Variants in UBC observed in about 807,000 individuals in gnomAD.
UBC encodes the protein polyubiquitin-C.
UBC carries 8 observed loss-of-function variants against 34.7 expected under a neutral mutation model. The observed-to-expected ratio is 0.23, with a 90% confidence interval of 0.14 to 0.42. UBC has a LOEUF of 0.42. UBC is among the 10% of genes least tolerant of loss of function. The pLI, the probability that UBC is intolerant of heterozygous loss-of-function variation, is 1.00. For missense variants in UBC, 323 were observed against 750.3 expected, an observed-to-expected ratio of 0.43 and a Z score of 6.65; for synonymous variants, 367 against 299.8, an observed-to-expected ratio of 1.22 and a Z score of -2.32.
chr12:124,914,303 T>C (rs879619565), intron 1 of UBC: 34 of 170,240 alleles, frequency 2.0e-4, no homozygotes, highest in Non-Finnish European at 4.2e-4. Context: ...CTCACCCGAA[T>C]AAGAGCTTTC....
rs199810316 is a variant in UBC at position 124,912,757 on chromosome 12, C to T, written c.1015G>A (p.Gly339Ser). ...NVKAKIQDKEGIPPDQQRLIF... is the reference protein window; with the variant it reads ...NVKAKIQDKESIPPDQQRLIF... ...AACCTCTGCTGGTCAGGAGGGATGC[C>T]TTCCTTGTCTTGGATCTTTGCCTTG... Residue 339 changes from glycine (G) to serine (S), a missense_variant, in exon 2 of 2, where the codon GGC (glycine) becomes AGC (serine). Physicochemically the swap from Gly to Ser is moderately conservative, Grantham distance 56. Transcript: ENST00000339647. 1 of 1,605,702 alleles carries T rather than the reference C, an allele frequency of 6.2e-7. No individual in the cohort carries two copies. Among genetic ancestry groups the T allele is most frequent in the Non-Finnish European group, 8.5e-7 (1 of 1,177,748 alleles).
Position 124,913,932 on chromosome 12 carries a change from C to T in UBC, c.-3-158G>A, listed in dbSNP as rs1054085350. 15 of 1,128,282 alleles carry T rather than the reference C, an allele frequency of 1.3e-5. No homozygotes were observed. The African/African-American group carries it at 2.2e-4, about 17-fold the overall frequency. 69.9% of individuals were successfully genotyped at this position (1,128,282 alleles called of 1,614,324 possible). On this transcript the variant is annotated intron_variant, in intron 1 of 1. Coordinates refer to ENST00000339647, the MANE Select transcript of UBC (RefSeq NM_021009.7). ...CCGAGCGCATAGTTCAAAACCGGAGCTTCAGCTACTTAAGAAGATAGGTAC... is the reference window on the plus strand; with the variant it reads ...CCGAGCGCATAGTTCAAAACCGGAGTTTCAGCTACTTAAGAAGATAGGTAC...
chr12:124,914,178 G>C (rs1953575549), intron 1 of UBC: 1 of 238,274 alleles, frequency 4.2e-6, no homozygotes, highest in South Asian at 5.2e-5. Context: ...CAAAGGTACG[G>C]GTGCACTGCC....
Position 124,912,956 on chromosome 12 carries a change from G to T in UBC, c.816C>A (p.Ile272=). Residue 272 remains isoleucine (I), a synonymous_variant, in exon 2 of 2, where the codon ATC becomes ATA. Coordinates refer to ENST00000339647, the MANE Select transcript of UBC (RefSeq NM_021009.7). Reference sequence around the variant, plus strand: ...CATCTTCCAGCTGCTTTCCGGCAAAGATCAACCTCTGCTGGTCAGGAGGAA... The same window carrying T: ...CATCTTCCAGCTGCTTTCCGGCAAATATCAACCTCTGCTGGTCAGGAGGAA... ...EGIPPDQQRL[I]FAGKQLEDGR... is the part of the protein sequence containing the mutation. The T allele has an allele frequency of 1.2e-6, 2 of 1,611,478 alleles. No individual in the cohort carries two copies. Among genetic ancestry groups the T allele is most frequent in the Non-Finnish European group, 1.7e-6 (2 of 1,179,100 alleles).
Position 124,913,486 on chromosome 12 carries a change from T to A in UBC, c.286A>T (p.Ser96Cys). 3 of 1,611,738 alleles carry A rather than the reference T, an allele frequency of 1.9e-6. No individual in the cohort carries two copies. Among genetic ancestry groups the A allele is most frequent in the Non-Finnish European group, 2.5e-6 (3 of 1,179,114 alleles). ...GKTITLEVEP[S>C]DTIENVKAKI... ...GCTTTGACGTTCTCGATGGTGTCACTGGGCTCGACCTCAAGGGTGATGGTC... is the reference window on the plus strand; with the variant it reads ...GCTTTGACGTTCTCGATGGTGTCACAGGGCTCGACCTCAAGGGTGATGGTC... Residue 96 changes from serine to cysteine, a missense_variant, in exon 2 of 2, where the codon AGT (serine) becomes TGT (cysteine). By Grantham distance (112) the Ser-to-Cys change is moderately radical. Transcript: ENST00000339647.
chr12:124,913,853 A>G (rs577459400), intron 1 of UBC, 79 bp from the exon 2 acceptor site: 36 of 1,569,064 alleles, frequency 2.3e-5, no homozygotes, highest in Middle Eastern at 3.4e-4. Context: ...ATTGACCCAA[A>G]TGATTACATT....
chr12:124,913,147 A>G lies in UBC; in HGVS notation c.625T>C (p.Ser209Pro). 1 of 1,610,030 alleles carries G rather than the reference A, an allele frequency of 6.2e-7. No individual in the cohort carries two copies. The highest frequency in any genetic ancestry group is 8.5e-7 in the Non-Finnish European group (1 of 1,178,298). ...GKQLEDGRTLSDYNIQKESTL... is the reference protein window; with the variant it reads ...GKQLEDGRTLPDYNIQKESTL... ...GACTCTTTCTGGATGTTGTAGTCAG[A>G]CAGGGTACGACCATCTTCCAGCTGT... The change falls in exon 2 of 2, where the codon TCT (serine) becomes CCT (proline). Residue 209 changes from serine (S) to proline (P), a missense_variant. By Grantham distance (74) the Ser-to-Pro change is moderately conservative (BLOSUM62 -1). Around this residue, in one of 5 missense-constraint regions of UBC, gnomAD observed 202 missense variants for 361.9 expected, o/e 0.56. Coordinates refer to ENST00000339647, the MANE Select transcript of UBC (RefSeq NM_021009.7).
intron 1 of UBC, chr12:124,914,009 G>C: frequency 1.6e-6 from 1 of 628,054 alleles, no homozygotes; most frequent in Non-Finnish European, 2.6e-6. Context: ...CCTCACCAGA[G>C]GTCCGGCGCC....
At chr12:124,913,845 T>C (rs1263624347) in intron 1 of UBC, 71 bp from the exon 2 acceptor site, 1 of 1,574,584 alleles carries the variant, frequency 6.4e-7, no homozygotes, top group Non-Finnish European at 8.6e-7. Flanking sequence ...AATTACATAT[T>C]GACCCAAATG....
Position 124,911,884 on chromosome 12 carries a change from T to C in UBC, c.1888A>G (p.Thr630Ala). The C allele has an allele frequency of 6.2e-7, 1 of 1,610,224 alleles. No homozygotes were observed. The highest frequency in any genetic ancestry group is 1.1e-5 in the South Asian group (1 of 90,730). Residue 630 changes from threonine (T) to alanine (A), a missense_variant, in exon 2 of 2, where the codon ACC becomes GCC. Coordinates refer to ENST00000339647, the MANE Select transcript of UBC (RefSeq NM_021009.7). ...ATCTTTGCCTTGACATTCTCGATGGTGTCACTGGGCTCCACCTCGAGGGTG... is the reference window on the plus strand; with the variant it reads ...ATCTTTGCCTTGACATTCTCGATGGCGTCACTGGGCTCCACCTCGAGGGTG... Reference protein sequence around the residue: ...TITLEVEPSDTIENVKAKIQD... With the variant: ...TITLEVEPSDAIENVKAKIQD...
At chr12:124,914,056 T>A in intron 1 of UBC, 1 of 468,460 alleles carries the variant, frequency 2.1e-6, no homozygotes, top group South Asian at 2.4e-5. Context: ...GCCCGAACCC[T>A]GCGTCCTGCG....
Position 124,911,653 on chromosome 12 carries a change from T to C in UBC, c.*61A>G, listed in dbSNP as rs903761058. ...AAAAAAAAAAAACACCAATTGGGAA[T>C]GCAACAACTTTATTGAAAGGAAAGT... On this transcript the variant is annotated 3_prime_UTR_variant, in exon 2 of 2. Coordinates refer to ENST00000339647, the MANE Select transcript of UBC (RefSeq NM_021009.7). 5 of 1,249,872 alleles carry C rather than the reference T, an allele frequency of 4.0e-6. No homozygotes were observed. Among genetic ancestry groups the C allele is most frequent in the African/African-American group, 3.2e-5 (2 of 61,776 alleles). The allele number at this position is 1,249,872 out of a possible 1,614,324, so 77.4% of individuals were successfully genotyped here.
rs6658 is a variant in UBC, at chr12:124,913,703, G to A, written c.69C>T (p.Ile23=). The change falls in exon 2 of 2, where the codon ATC becomes ATT. Residue 23 remains isoleucine, a synonymous_variant. Coordinates refer to ENST00000339647, the MANE Select transcript of UBC (RefSeq NM_021009.7). The part of the protein sequence containing the change: ...ITLEVEPSDT[I]ENVKAKIQDK... Reference sequence around the variant, plus strand: ...CTTGGATCTTTGCCTTGACATTCTCGATGGTGTCACTGGGCTCAACCTCGA... The same window carrying A: ...CTTGGATCTTTGCCTTGACATTCTCAATGGTGTCACTGGGCTCAACCTCGA... The A allele has an allele frequency of 3.7e-5, 60 of 1,613,828 alleles. 1 individual carries two copies. The Middle Eastern group carries it at 6.6e-4, about 18-fold the overall frequency.
rs375236380 is a variant in UBC at position 124,912,428 on chromosome 12, G to A, written c.1344C>T (p.His448=). The A allele has an allele frequency of 1.1e-4, 95 of 837,282 alleles. No homozygotes were observed. The African/African-American group carries it at 3.9e-3, about 34-fold the overall frequency. The allele number at this position is 837,282 out of a possible 1,614,324, so 51.9% of individuals were successfully genotyped here. A position where few individuals can be genotyped will look rare whatever the true frequency, so the allele number is the denominator to read the frequency against. The stretch of plus-strand genomic sequence containing the variant: ...TCCCACCTCTAAGACGGAGCACCAG[G>A]TGCAGGGTGGACTCTTTCTGGATGT... ...DYNIQKESTL[H]LVLRLRGGMQ... is the part of the protein sequence containing the mutation. Residue 448 remains histidine, a synonymous_variant, in exon 2 of 2, where the codon CAC becomes CAT. Transcript: ENST00000339647.
chr12:124,913,791 A>C lies in UBC; in HGVS notation c.-3-17T>G. ...CTGCATTGTCTAACAAAAAAGCCAA[A>C]AACGGCCAGAATTTAGCGGACAATT... On this transcript the variant is annotated splice_polypyrimidine_tract_variant and intron_variant, in intron 1 of 1. Coordinates refer to ENST00000339647, the MANE Select transcript of UBC (RefSeq NM_021009.7). The C allele has an allele frequency of 6.2e-7, 1 of 1,613,044 alleles. No homozygotes were observed. The highest frequency in any genetic ancestry group is 8.5e-7 in the Non-Finnish European group (1 of 1,179,488).
At position 124,912,776 on chromosome 12, in the gene UBC, T is replaced by C. The variant is rs772020248; in HGVS notation, c.996A>G (p.Ala332=). Residue 332 remains alanine (A), a synonymous_variant, in exon 2 of 2, where the codon GCA becomes GCG. Coordinates refer to ENST00000339647, the MANE Select transcript of UBC (RefSeq NM_021009.7). ...GGATGCCTTCCTTGTCTTGGATCTT[T>C]GCCTTGACATTCTCAATGGTGTCAC... The part of the protein sequence containing the change: ...EPSDTIENVK[A]KIQDKEGIPP... 1 of 1,605,130 alleles carries C rather than the reference T, an allele frequency of 6.2e-7. No individual in the cohort carries two copies. The highest frequency in any genetic ancestry group is 8.5e-7 in the Non-Finnish European group (1 of 1,177,590).
chr12:124,913,666 T>G lies in UBC; in HGVS notation c.106A>C (p.Ile36Leu). The G allele has an allele frequency of 1.2e-6, 2 of 1,613,826 alleles. No individual in the cohort carries two copies. Among genetic ancestry groups the G allele is most frequent in the Non-Finnish European group, 1.7e-6 (2 of 1,179,926 alleles). ...ATCAGCCTCTGCTGGTCAGGAGGGA[T>G]GCCTTCCTTATCTTGGATCTTTGCC... ...VKAKIQDKEG[I>L]PPDQQRLIFA... The change falls in exon 2 of 2, where the codon ATC (isoleucine) becomes CTC (leucine). Residue 36 changes from isoleucine (I) to leucine (L), a missense_variant. Ile to Leu is a conservative substitution (Grantham distance 5). Coordinates refer to ENST00000339647, the MANE Select transcript of UBC (RefSeq NM_021009.7).
chr12:124,911,702 A>G lies in UBC; in HGVS notation c.*12T>C, dbSNP rs762941880. ...GTGCAATGAAATTTGTTGAAACCTT[A>G]AAAGGGGAAACTTAGACACCCCCCC... On this transcript the variant is annotated 3_prime_UTR_variant, in exon 2 of 2. Coordinates refer to ENST00000339647, the MANE Select transcript of UBC (RefSeq NM_021009.7). 2.0e-5 allele frequency: 32 copies of G among 1,612,528 alleles called. No homozygotes were observed. In the Middle Eastern group the frequency reaches 6.6e-4, roughly 33 times the overall value.
In UBC at chr12:124,913,232, T is replaced by C. The variant is rs781810007; in HGVS notation, c.540A>G (p.Ala180=). 1.2e-6 allele frequency: 2 copies of C among 1,611,652 alleles called. No homozygotes were observed. Among genetic ancestry groups the C allele is most frequent in the East Asian group, 4.5e-5 (2 of 44,710 alleles). ...GAATGCCTTCCTTATCTTGGATCTT[T>C]GCCTTGACATTCTCGATGGTGTCAC... ...EPSDTIENVK[A]KIQDKEGIPP... Residue 180 remains alanine, a synonymous_variant, in exon 2 of 2, where the codon GCA becomes GCG. Transcript: ENST00000339647.
Sources: gnomAD v4.1 joint callset for allele counts on GRCh38, gnomAD v4.1.1 for gene constraint, gnomAD v4.1.1 regional missense constraint, MANE v1.5 for transcripts, NCBI Gene and HGNC (gene_info 2026-07-23, HGNC 2026-07-21) for gene names.